Variants in SRGAP2B observed in about 807,000 individuals in gnomAD.
SRGAP2B encodes the protein SLIT-ROBO Rho GTPase activating protein 2B, also known as SLIT-ROBO Rho GTPase-activating protein 2B.
In SRGAP2B, 9 loss-of-function variants were observed where a neutral mutation model predicts 22.2. The ratio of observed to expected loss-of-function variants is 0.41; its 90% confidence interval spans 0.24 to 0.71. The LOEUF is 0.71. Ranked by LOEUF, SRGAP2B falls within the 30% of genes least tolerant of loss-of-function variation. The pLI is 0.35. For missense variants in SRGAP2B, 114 were observed against 235.8 expected (o/e 0.48, Z 3.38); for synonymous variants, 36 against 87.4 (o/e 0.41, Z 3.28).
intron 4 of SRGAP2B, among the ~76,000 whole-genome samples, chr1:144,941,123 TTAC>T (rs1232157376): frequency 4.1e-5 from 6 of 145,746 alleles, no homozygotes; most frequent in Admixed American, 3.4e-4. Flanking sequence ...AAAAAACACG[TTAC>T]TACTTTTTAA....
chr1:144,972,669 A>G lies in SRGAP2B; in HGVS notation c.261-17068T>C, dbSNP rs1452749075. Among the ~76,000 whole-genome samples, 12 of 144,006 alleles carry G rather than the reference A, an allele frequency of 8.3e-5. 1 individual carries two copies. Among genetic ancestry groups the G allele is most frequent in the African/African-American group, 3.3e-4 (12 of 36,842 alleles). 94.5% of individuals were successfully genotyped at this position (144,006 alleles called of 152,430 possible). A position where few individuals can be genotyped will look rare whatever the true frequency, so the allele number is the denominator to read the frequency against. On this transcript the variant is annotated intron_variant, in intron 3 of 9. Transcript: ENST00000612199. Reference sequence around the variant, plus strand: ...ATGTCAGGTAATTTTATGCACACCAAAAAATTTAAAAAACAATGCTCTTAA... The same window carrying G: ...ATGTCAGGTAATTTTATGCACACCAGAAAATTTAAAAAACAATGCTCTTAA...
intron 2 of SRGAP2B, among the ~76,000 whole-genome samples, chr1:145,064,755 C>T (rs2788768): frequency 1.3e-5 from 2 of 150,438 alleles, no homozygotes; most frequent in African/African-American, 2.5e-5. Context: ...CAGGAGATAA[C>T]GGATAGGAAA....
intron 4 of SRGAP2B, among the ~76,000 whole-genome samples, chr1:144,952,406 A>C (rs1666942233): frequency 6.8e-6 from 1 of 148,072 alleles, no homozygotes; most frequent in Non-Finnish European, 1.5e-5. Flanking sequence ...TCTAAACAAA[A>C]GAGGTTAAAA....
intron 2 of SRGAP2B, among the ~76,000 whole-genome samples, chr1:145,041,665 G>GA (rs782545735): frequency 1.6e-4 from 18 of 111,646 alleles, no homozygotes; most frequent in East Asian, 1.3e-3. Context: ...TCTCATAAAA[G>GA]AAAAAAAAAA....
chr1:144,956,439 C>CGT (rs1667271792), intron 3 of SRGAP2B, among the ~76,000 whole-genome samples: 1 of 95,380 alleles, frequency 1.0e-5, no homozygotes. Flanking sequence ...TGCTCATTCC[C>CGT]TTTTTTTTTT....
At chr1:145,093,616 C>G (rs1246364717) in intron 1 of SRGAP2B, among the ~76,000 whole-genome samples, 173 bp from the exon 2 acceptor site, 28 of 140,010 alleles carry the variant, frequency 2.0e-4, no homozygotes, top group Non-Finnish European at 3.8e-4. Context: ...AGGAAGCTCC[C>G]TCCGGATTTT....
exon 10 of SRGAP2B, chr1:144,889,225 G>C (rs1484282472): frequency 6.7e-6 from 1 of 149,472 alleles, no homozygotes; most frequent in Non-Finnish European, 1.5e-5. Context: ...ACAGCGCTGG[G>C]ATTACAGGCA....
At chr1:145,061,503 G>C (rs1553631442) in intron 2 of SRGAP2B, among the ~76,000 whole-genome samples, 2 of 142,080 alleles carry the variant, frequency 1.4e-5, no homozygotes, top group Non-Finnish European at 3.1e-5. Context: ...ATGAAAGAAA[G>C]TCAACTGAAC....
intron 2 of SRGAP2B, among the ~76,000 whole-genome samples, chr1:145,075,839 G>C (rs1199374522): frequency 6.7e-6 from 1 of 149,302 alleles, no homozygotes; most frequent in Non-Finnish European, 1.5e-5. Context: ...TGTAATCCCA[G>C]CACTTTGGGA....
chr1:144,934,403 C>CAAAAAAAAAAA (rs782588401), intron 4 of SRGAP2B, among the ~76,000 whole-genome samples: 7 of 40,678 alleles, frequency 1.7e-4, no homozygotes, highest in Admixed American at 7.0e-4. Flanking sequence ...AACTCCATCT[C>CAAAAAAAAAAA]AAAAAAAAAA....
chr1:144,976,658 G>A (rs1668929738), intron 3 of SRGAP2B, among the ~76,000 whole-genome samples: 1 of 145,650 alleles, frequency 6.9e-6, no homozygotes, highest in South Asian at 2.1e-4. Flanking sequence ...GTAAGGAAGT[G>A]CTCAAAGAAC....
intron 4 of SRGAP2B, among the ~76,000 whole-genome samples, chr1:144,952,407 G>A (rs1221426709): frequency 3.4e-5 from 5 of 147,908 alleles, no homozygotes; most frequent in South Asian, 2.1e-4. Flanking sequence ...CTAAACAAAA[G>A]AGGTTAAAAA....
intron 3 of SRGAP2B, among the ~76,000 whole-genome samples, chr1:144,966,999 G>C (rs1466533124): frequency 3.2e-5 from 4 of 126,052 alleles, no homozygotes; most frequent in African/African-American, 1.4e-4. Context: ...AGCAAGTCCT[G>C]AGTGACCTAC....
chr1:144,934,399 A>C (rs1665465405), intron 4 of SRGAP2B, among the ~76,000 whole-genome samples: 1 of 129,360 alleles, frequency 7.7e-6, no homozygotes, highest in Non-Finnish European at 1.6e-5. Context: ...GCAAAACTCC[A>C]TCTCAAAAAA....
intron 2 of SRGAP2B, among the ~76,000 whole-genome samples, chr1:145,041,402 G>A (rs1299923153): frequency 1.5e-4 from 21 of 136,908 alleles, no homozygotes; most frequent in Non-Finnish European, 2.5e-4. Context: ...CACAAGGATC[G>A]CTTGAACCCA....
intron 3 of SRGAP2B, among the ~76,000 whole-genome samples, chr1:144,956,755 C>T (rs1251149836): frequency 1.3e-5 from 2 of 150,020 alleles, no homozygotes; most frequent in African/African-American, 5.0e-5. Flanking sequence ...GCCCTAGATG[C>T]TCATTTCTAA....
At chr1:145,007,103 C>A (rs1468023283) in intron 2 of SRGAP2B, among the ~76,000 whole-genome samples, 2 of 150,246 alleles carry the variant, frequency 1.3e-5, no homozygotes, top group African/African-American at 5.0e-5. Flanking sequence ...ATGCCTGATG[C>A]CTAGTAAGCC....
chr1:144,923,438 C>G (rs1664403106), intron 4 of SRGAP2B, among the ~76,000 whole-genome samples: 1 of 150,094 alleles, frequency 6.7e-6, no homozygotes, highest in South Asian at 2.1e-4. Flanking sequence ...ACACTAAAAG[C>G]ACAGAGTAGA....
chr1:145,069,946 C>A (rs1223432352), intron 2 of SRGAP2B, among the ~76,000 whole-genome samples: 1 of 148,954 alleles, frequency 6.7e-6, no homozygotes, highest in Non-Finnish European at 1.5e-5. Flanking sequence ...CTTACAGGTT[C>A]TTGCACTTGG....
Sources: allele counts gnomAD v4.1 joint callset (sites outside exome capture counted in the v4.1 genomes callset), GRCh38; gene constraint gnomAD v4.1.1; transcripts MANE v1.5; gene names NCBI Gene and HGNC (gene_info 2026-07-23, HGNC 2026-07-21).